The following LRRC49 variants were observed in gnomAD, a reference collection of about 807,000 sequenced individuals.
LRRC49 encodes the protein leucine rich repeat containing 49, also known as leucine-rich repeat-containing protein 49.
In LRRC49, 50 loss-of-function variants were observed where a neutral mutation model predicts 83.3. The ratio of observed to expected loss-of-function variants is 0.60; its 90% CI spans 0.48 to 0.76. The LOEUF is 0.76. Among genes scored for constraint, LRRC49 ranks in the 30% least tolerant of loss-of-function variants. The probability of loss-of-function intolerance (pLI) is 0.00; values close to 1 mark genes in which losing one functional copy is unlikely to be tolerated. For synonymous variants in LRRC49, 286 were observed against 283.3 expected (o/e 1.01, Z -0.10); for missense variants, 704 against 809.1 (o/e 0.87, Z 1.58).
chr15:70,865,466 C>A (rs2032889745), intron 1 of LRRC49, among the ~76,000 whole-genome samples: 1 of 152,142 alleles, frequency 6.6e-6, no homozygotes, highest in Non-Finnish European at 1.5e-5. Context: ...TTCATTTCCC[C>A]AAAATGTTTC....
chr15:71,037,138 T>A lies in LRRC49; in HGVS notation c.1704-41T>A, dbSNP rs373713330. The A allele has an allele frequency of 4.9e-6, 7 of 1,428,740 alleles. No homozygotes were observed. The African/African-American group carries it at 7.2e-5, about 15-fold the overall frequency. The allele number at this position is 1,428,740 out of a possible 1,614,324, so 88.5% of individuals were successfully genotyped here. On this transcript the variant is annotated intron_variant, in intron 14 of 15. Transcript: ENST00000260382. Reference sequence around the variant, plus strand: ...AAAAATAGACATGTTTTAGTAAGTCTGATAAGTAACTCTCTAAATCTCTTT... The same window carrying A: ...AAAAATAGACATGTTTTAGTAAGTCAGATAAGTAACTCTCTAAATCTCTTT...
chr15:71,008,586 T>A lies in LRRC49; in HGVS notation c.1377T>A (p.Pro459=), dbSNP rs1419120892. 2 of 1,612,034 alleles carry A rather than the reference T, an allele frequency of 1.2e-6. No homozygotes were observed. The highest frequency in any genetic ancestry group is 2.2e-5 in the South Asian group (2 of 90,948). The part of the protein sequence containing the change: ...IEFDEIVQVL[P]KLKIKFPNSL... Reference sequence around the variant, plus strand: ...TTGATGAAATCGTCCAAGTGCTTCCTAAACTGAAGATTAAGTTTCCTAATT... The same window carrying A: ...TTGATGAAATCGTCCAAGTGCTTCCAAAACTGAAGATTAAGTTTCCTAATT... Residue 459 remains proline (P), a synonymous_variant, in exon 12 of 16, where the codon CCT becomes CCA. Coordinates refer to ENST00000260382, the MANE Select transcript of LRRC49 (RefSeq NM_017691.5).
At chr15:70,865,941 A>G (rs536353872) in intron 1 of LRRC49, among the ~76,000 whole-genome samples, 2 of 152,254 alleles carry the variant, frequency 1.3e-5, no homozygotes, top group African/African-American at 4.8e-5. Context: ...CACTTGGTTA[A>G]TAAGTAGGTT....
Position 71,006,501 on chromosome 15 carries a change from A to G in LRRC49, c.1170-1878A>G, listed in dbSNP as rs150420169. ...TCTTGCTAAACCTGATTCTGTGTCT[A>G]TATCACTGATTCTGCCCCTTTACTG... On this transcript the variant is annotated intron_variant, in intron 11 of 15. Coordinates refer to ENST00000260382, the MANE Select transcript of LRRC49 (RefSeq NM_017691.5). Among the ~76,000 whole-genome samples, 464 of 152,228 alleles carry G rather than the reference A, an allele frequency of 3.0e-3. 2 individuals are homozygous for G. Among genetic ancestry groups the G allele is most frequent in the African/African-American group, 0.01 (433 of 41,558 alleles).
rs1412103575 is a variant in LRRC49 at position 71,050,248 on chromosome 15, G to A, written c.*636G>A. The A allele has an allele frequency of 6.6e-6, 1 of 152,212 alleles. No individual in the cohort carries two copies. Among genetic ancestry groups the A allele is most frequent in the African/African-American group, 2.4e-5 (1 of 41,448 alleles). 9.4% of individuals were successfully genotyped at this position (152,212 alleles called of 1,614,324 possible). On this transcript the variant is annotated 3_prime_UTR_variant, in exon 16 of 16. Coordinates refer to ENST00000260382, the MANE Select transcript of LRRC49 (RefSeq NM_017691.5). ...GGGAATCACTATGGGCAGAGAATAT[G>A]CAAATGAGTCAAAACTGGGATAGGA...
At chr15:70,912,038 A>G (rs2034570367) in intron 6 of LRRC49, among the ~76,000 whole-genome samples, 1 of 152,060 alleles carries the variant, frequency 6.6e-6, no homozygotes, top group South Asian at 2.1e-4. Context: ...TTAATAATAT[A>G]TCCTTTAGTA....
intron 1 of LRRC49, chr15:70,859,915 G>C (rs2032746967): frequency 2.6e-6 from 2 of 768,100 alleles, no homozygotes; most frequent in South Asian, 2.7e-5. Flanking sequence ...AGGAGAGCCG[G>C]CTGGAGTCTG....
At chr15:70,948,116 AC>A (rs2067301351) in intron 8 of LRRC49, among the ~76,000 whole-genome samples, 1 of 151,958 alleles carries the variant, frequency 6.6e-6, no homozygotes, top group Admixed American at 6.6e-5. Flanking sequence ...ATGTGTGTGC[AC>A]ACGTGTGTGT....
At chr15:70,996,360 AAAC>A (rs1015066649) in intron 11 of LRRC49, among the ~76,000 whole-genome samples, 13 of 152,138 alleles carry the variant, frequency 8.5e-5, no homozygotes, top group African/African-American at 3.1e-4. Context: ...CATTTTATCT[AAAC>A]AAGGAACTCT....
At chr15:70,953,283 A>G (rs930285937) in intron 8 of LRRC49, among the ~76,000 whole-genome samples, 1 of 152,130 alleles carries the variant, frequency 6.6e-6, no homozygotes, top group African/African-American at 2.4e-5. Context: ...ATTAATTTCC[A>G]TGTTTAGCAC....
At chr15:70,895,731 T>C (rs1378955227) in intron 2 of LRRC49, 118 bp from the exon 3 acceptor site, 2 of 563,074 alleles carry the variant, frequency 3.6e-6, no homozygotes, top group Non-Finnish European at 6.1e-6. Context: ...CATGATGTTT[T>C]CAAGGTTCAT....
chr15:70,986,035 T>C (rs1172838784), intron 11 of LRRC49, among the ~76,000 whole-genome samples: 1 of 151,802 alleles, frequency 6.6e-6, no homozygotes, highest in South Asian at 2.1e-4. Flanking sequence ...TATTGTAGCC[T>C]TCCTTGTAGT....
At chr15:70,952,804 G>C (rs567415449) in intron 8 of LRRC49, among the ~76,000 whole-genome samples, 19 of 152,060 alleles carry the variant, frequency 1.2e-4, no homozygotes, top group Middle Eastern at 3.4e-3. Flanking sequence ...TTAAAATCTG[G>C]GTGCTCCACT....
At chr15:70,890,449 T>C (rs557805758), upstream of LRRC49, among the ~76,000 whole-genome samples, 37 of 152,338 alleles carry the variant, frequency 2.4e-4, no homozygotes, top group African/African-American at 8.2e-4. Flanking sequence ...TAAATATTTA[T>C]TGAATTACTT....
chr15:71,026,568 A>G, intron 14 of LRRC49, among the ~76,000 whole-genome samples: 1 of 152,102 alleles, frequency 6.6e-6, no homozygotes, highest in African/African-American at 2.4e-5. Context: ...CCTGGGTGAC[A>G]GAGCAAGACC....
intron 7 of LRRC49, among the ~76,000 whole-genome samples, chr15:70,922,177 T>G (rs376554809): frequency 6.6e-6 from 1 of 152,126 alleles, no homozygotes; most frequent in African/African-American, 2.4e-5. Flanking sequence ...TACTGTTGGG[T>G]ATATTTCCAA....
intron 1 of LRRC49, among the ~76,000 whole-genome samples, chr15:70,855,970 T>C (rs1398899812): frequency 1.3e-5 from 2 of 152,168 alleles, no homozygotes; most frequent in Middle Eastern, 3.2e-3. Flanking sequence ...GGTTCCTGAA[T>C]TTCACAAAGT....
At chr15:71,022,336 G>T (rs2039019557) in intron 14 of LRRC49, among the ~76,000 whole-genome samples, 1 of 152,080 alleles carries the variant, frequency 6.6e-6, no homozygotes, top group Non-Finnish European at 1.5e-5. Context: ...TTGTGCAACT[G>T]CACCCCAGCC....
chr15:70,992,115 T>C (rs2037902751), intron 11 of LRRC49, among the ~76,000 whole-genome samples: 1 of 152,244 alleles, frequency 6.6e-6, no homozygotes, highest in Non-Finnish European at 1.5e-5. Context: ...CTGCTGAAGC[T>C]TGTGCATTCA....
Sources: gnomAD v4.1 joint callset for allele counts (sites outside exome capture counted in the v4.1 genomes callset) on GRCh38, gnomAD v4.1.1 for gene constraint, MANE v1.5 for transcripts, NCBI Gene and HGNC (gene_info 2026-07-23, HGNC 2026-07-21) for gene names.